Variants in F13A1 observed in about 807,000 individuals in gnomAD.
F13A1 encodes coagulation factor XIII A chain, also known as FSF, A subunit.
In F13A1, 47 loss-of-function variants were observed where a neutral mutation model predicts 80.1. The ratio of observed to expected loss-of-function variants is 0.59; its 90% CI spans 0.46 to 0.75. The LOEUF is 0.75. Among genes scored for constraint, F13A1 ranks in the 30% least tolerant of loss-of-function variants. The probability of loss-of-function intolerance (pLI) is 0.00; values close to 1 mark genes in which losing one functional copy is unlikely to be tolerated. For synonymous variants in F13A1, 349 were observed against 344.9 expected, an observed-to-expected ratio of 1.01 and a Z score of -0.13; for missense variants, 817 against 930.4, an observed-to-expected ratio of 0.88 and a Z score of 1.59.
At chr6:6,236,263 T>C (rs1757412712) in intron 6 of F13A1, among the ~76,000 whole-genome samples, 1 of 152,134 alleles carries the variant, frequency 6.6e-6, no homozygotes, top group Non-Finnish European at 1.5e-5. Context: ...GTCAACATTA[T>C]CCAATTGTAC....
chr6:6,228,287 A>G (rs1015510850), intron 6 of F13A1, among the ~76,000 whole-genome samples: 2 of 152,210 alleles, frequency 1.3e-5, no homozygotes, highest in Non-Finnish European at 2.9e-5. Flanking sequence ...AGCATAATGC[A>G]ATAAACTTCA....
At chr6:6,249,838 T>C (rs961406854) in intron 5 of F13A1, among the ~76,000 whole-genome samples, 2 of 152,148 alleles carry the variant, frequency 1.3e-5, no homozygotes, top group Non-Finnish European at 2.9e-5. Context: ...GGGTGCCAAC[T>C]AGCTTGTAGC....
intron 4 of F13A1, among the ~76,000 whole-genome samples, chr6:6,257,085 T>C (rs144248069): frequency 3.3e-4 from 50 of 152,274 alleles, no homozygotes; most frequent in South Asian, 1.9e-3. Context: ...CACTTACACT[T>C]GCTTCCCCCT....
In F13A1 at chr6:6,243,670, CTTATT is replaced by C. The variant is rs370616233; in HGVS notation, c.798+4637_798+4641del. Among the ~76,000 whole-genome samples, 21 of 152,290 alleles carry C rather than the reference CTTATT, an allele frequency of 1.4e-4. No individual in the cohort carries two copies. Among genetic ancestry groups the C allele is most frequent in the East Asian group, 1.2e-3 (6 of 5,186 alleles). On this transcript the variant is annotated intron_variant, in intron 6 of 14. Coordinates refer to ENST00000264870, the MANE Select transcript of F13A1 (RefSeq NM_000129.4). This position sits in a 1 kb window ranked among gnomAD's most constrained non-coding sequence, Gnocchi z 4.2. Reference sequence around the variant, plus strand: ...ACCATATCTGGTTTCAGCTCAGCCACTTATTTGCTGTGTGACTTTGAGTGAGGGAC... The same window carrying C: ...ACCATATCTGGTTTCAGCTCAGCCACTGCTGTGTGACTTTGAGTGAGGGAC...
At chr6:6,218,216 T>C (rs1757132639) in intron 8 of F13A1, among the ~76,000 whole-genome samples, 2 of 152,204 alleles carry the variant, frequency 1.3e-5, no homozygotes, top group South Asian at 2.1e-4. Flanking sequence ...TCTCTGTCTT[T>C]TAAAATTGTT....
intron 6 of F13A1, among the ~76,000 whole-genome samples, chr6:6,242,242 C>T (rs1185027406): frequency 6.6e-6 from 1 of 152,176 alleles, no homozygotes; most frequent in Non-Finnish European, 1.5e-5. Context: ...CCAGGACCTA[C>T]TCCGAATTGT....
At chr6:6,201,245 C>T (rs572974359) in intron 8 of F13A1, among the ~76,000 whole-genome samples, 59 of 152,304 alleles carry the variant, frequency 3.9e-4, no homozygotes, top group South Asian at 2.9e-3. Flanking sequence ...TTTCAAATGA[C>T]CAGGACCCGG....
intron 6 of F13A1, among the ~76,000 whole-genome samples, chr6:6,239,342 C>A (rs760188193): frequency 3.3e-5 from 5 of 151,844 alleles, no homozygotes; most frequent in African/African-American, 1.2e-4. Context: ...GGAAGAAGCA[C>A]GAGGGAAACT....
At chr6:6,193,496 C>T (rs752246668) in intron 10 of F13A1, among the ~76,000 whole-genome samples, 2 of 152,186 alleles carry the variant, frequency 1.3e-5, no homozygotes, top group Non-Finnish European at 2.9e-5. Context: ...ATTCCTCATA[C>T]ACTTTTCATC....
At chr6:6,145,809 C>G in intron 14 of F13A1, 37 bp from the exon 15 acceptor site, 2 of 1,613,840 alleles carry the variant, frequency 1.2e-6, no homozygotes, top group South Asian at 2.2e-5. Context: ...GTTGGAAGAT[C>G]CAGCTTTCCA....
intron 11 of F13A1, among the ~76,000 whole-genome samples, chr6:6,177,053 T>C (rs1760893620): frequency 6.6e-6 from 1 of 152,168 alleles, no homozygotes; most frequent in Admixed American, 6.5e-5. Flanking sequence ...GGCAGAGTAA[T>C]TCCTGTTTCT....
chr6:6,276,960 T>C (rs944507632), intron 3 of F13A1, among the ~76,000 whole-genome samples: 1 of 152,150 alleles, frequency 6.6e-6, no homozygotes, highest in Non-Finnish European at 1.5e-5. Flanking sequence ...CTGTACAGAC[T>C]CTTTCTTGGC....
chr6:6,172,405 T>A (rs1216354869), intron 12 of F13A1, among the ~76,000 whole-genome samples: 1 of 151,880 alleles, frequency 6.6e-6, no homozygotes, highest in Non-Finnish European at 1.5e-5. Flanking sequence ...ACCCTAGGAA[T>A]AGGAAAAGTG....
intron 2 of F13A1, among the ~76,000 whole-genome samples, chr6:6,306,451 G>A (rs533459300): frequency 1.3e-5 from 2 of 152,268 alleles, no homozygotes; most frequent in South Asian, 2.1e-4. Context: ...GACAGGAGAC[G>A]GCATGAGATG....
chr6:6,314,144 G>C (rs1758647821), intron 2 of F13A1, among the ~76,000 whole-genome samples: 1 of 151,804 alleles, frequency 6.6e-6, no homozygotes, highest in Non-Finnish European at 1.5e-5. Flanking sequence ...ACCACCCCAG[G>C]CTAATTTTTG....
intron 13 of F13A1, among the ~76,000 whole-genome samples, chr6:6,163,444 A>G (rs1449003495): frequency 6.6e-6 from 1 of 152,198 alleles, no homozygotes; most frequent in African/African-American, 2.4e-5. Flanking sequence ...TATTAAACCT[A>G]GTAGCCATTA....
At chr6:6,263,688 C>T (rs1324613270) in intron 4 of F13A1, among the ~76,000 whole-genome samples, 1 of 152,218 alleles carries the variant, frequency 6.6e-6, no homozygotes, top group African/African-American at 2.4e-5. Context: ...GAATGTAACT[C>T]TTAGCTTCAC....
chr6:6,296,506 C>A (rs1372894918), intron 3 of F13A1, among the ~76,000 whole-genome samples: 2 of 150,632 alleles, frequency 1.3e-5, no homozygotes, highest in South Asian at 2.1e-4. Flanking sequence ...CTCTTTGAAG[C>A]AATTGTGAAT....
At chr6:6,301,319 C>A (rs59143624) in intron 3 of F13A1, among the ~76,000 whole-genome samples, 8,495 of 152,228 alleles carry the variant, frequency 0.056, 623 homozygotes, top group African/African-American at 0.17. Context: ...TGGGTCCTTC[C>A]ACGCCCCTCG....
Sources: allele counts gnomAD v4.1 joint callset (sites outside exome capture counted in the v4.1 genomes callset), GRCh38; gene constraint gnomAD v4.1.1; non-coding constraint Gnocchi (gnomAD v3.1); transcripts MANE v1.5; gene names NCBI Gene and HGNC (gene_info 2026-07-23, HGNC 2026-07-21).